The following C7orf57 variants were observed in gnomAD, a reference collection of about 807,000 sequenced individuals.
C7orf57 encodes the protein chromosome 7 open reading frame 57, also known as uncharacterized protein C7orf57.
In C7orf57, 33 loss-of-function variants were observed where a neutral mutation model predicts 39.0. That is an observed-to-expected ratio of 0.85 (90% CI 0.64 to 1.13). C7orf57 has a LOEUF of 1.13. Among genes scored for constraint, C7orf57 ranks in the 50% most tolerant of loss-of-function variants. C7orf57 has a pLI of 0.00. For synonymous variants in C7orf57, 124 were observed against 137.1 expected (o/e 0.90, Z 0.67); for missense variants, 346 against 362.3 (o/e 0.95, Z 0.37).
At chr7:48,051,347 ATTTTT>A (rs71006546) in intron 6 of C7orf57, among the ~76,000 whole-genome samples, 5 of 69,770 alleles carry the variant, frequency 7.2e-5, no homozygotes, top group African/African-American at 3.0e-4. Context: ...CAGCTGGCTA[ATTTTT>A]TTTTTTTTTT....
chr7:48,048,556 C>T (rs1046348077), intron 5 of C7orf57, among the ~76,000 whole-genome samples: 4 of 152,042 alleles, frequency 2.6e-5, no homozygotes, highest in African/African-American at 7.2e-5. Context: ...TGTTTTTTCC[C>T]GTTTTCCCAT....
intron 4 of C7orf57, among the ~76,000 whole-genome samples, chr7:48,044,011 G>A (rs915618748): frequency 2.0e-5 from 3 of 152,144 alleles, no homozygotes; most frequent in Admixed American, 6.5e-5. Context: ...ATGCATGAGT[G>A]TTATAGCTCT....
At chr7:48,052,635 A>G in intron 6 of C7orf57, 65 bp from the exon 7 acceptor site, 1 of 1,398,766 alleles carries the variant, frequency 7.1e-7, no homozygotes. Context: ...TGTTCACGGA[A>G]TACTGCTTCT....
chr7:48,055,679 AT>A (rs964455496), intron 8 of C7orf57, among the ~76,000 whole-genome samples: 16 of 152,114 alleles, frequency 1.1e-4, no homozygotes, highest in Middle Eastern at 6.8e-3. Context: ...TATGAGTTCA[AT>A]TTTTTTAGAT....
At chr7:48,051,557 C>T (rs932850790) in intron 6 of C7orf57, among the ~76,000 whole-genome samples, 2 of 151,072 alleles carry the variant, frequency 1.3e-5, no homozygotes, top group African/African-American at 2.4e-5. Context: ...AGAGTGCTCT[C>T]GAATTCCTGA....
At chr7:48,044,844 T>C (rs1790667756) in intron 4 of C7orf57, among the ~76,000 whole-genome samples, 1 of 152,244 alleles carries the variant, frequency 6.6e-6, no homozygotes, top group South Asian at 2.1e-4. Context: ...CAGAACCACC[T>C]GTCGTGGATT....
chr7:48,038,087 C>G (rs368733993), intron 2 of C7orf57, among the ~76,000 whole-genome samples: 46 of 152,160 alleles, frequency 3.0e-4, no homozygotes, highest in African/African-American at 1.1e-3. Context: ...TCTCTGTGAT[C>G]TTTTGTGCAA....
chr7:48,041,563 G>A (rs201304229), intron 3 of C7orf57, 44 bp downstream of exon 3: 9 of 1,448,742 alleles, frequency 6.2e-6, no homozygotes, highest in Admixed American at 4.8e-5. Flanking sequence ...CCTCGCGGGC[G>A]GTGAGGGGGG....
intron 6 of C7orf57, among the ~76,000 whole-genome samples, chr7:48,051,771 TTTCTTTC>T (rs1356840546): frequency 0.022 from 933 of 42,620 alleles, 94 homozygotes; most frequent in Non-Finnish European, 0.051. Context: ...TCTTTCTTTC[TTTCTTTC>T]TTTCTTTCTT....
chr7:48,057,878 A>G (rs995700878), intron 8 of C7orf57, among the ~76,000 whole-genome samples: 23 of 152,254 alleles, frequency 1.5e-4, no homozygotes, highest in Non-Finnish European at 3.2e-4. Context: ...TAAGGTGATC[A>G]TATGGTTTTT....
chr7:48,042,515 C>T lies in C7orf57; in HGVS notation c.242-966C>T, dbSNP rs918819329. ...TGCCCAGTGATTCTGAAAACAATAA[C>T]GACAATAAAAATAATAATGAGAGAG... On this transcript the variant is annotated intron_variant, in intron 3 of 8. Transcript: ENST00000348904. 2.0e-5 allele frequency among the ~76,000 whole-genome samples: 3 copies of T among 151,680 alleles called. No individual in the cohort carries two copies. The East Asian group carries it at 5.8e-4, about 29-fold the overall frequency.
chr7:48,059,361 AT>A (rs1006997510), intron 8 of C7orf57, among the ~76,000 whole-genome samples: 1 of 151,798 alleles, frequency 6.6e-6, no homozygotes, highest in African/African-American at 2.4e-5. Context: ...TTCTTATTTT[AT>A]TTTTTTGAGA....
intron 5 of C7orf57, among the ~76,000 whole-genome samples, chr7:48,046,961 A>G (rs2128793951): frequency 6.6e-6 from 1 of 152,308 alleles, no homozygotes; most frequent in Middle Eastern, 3.4e-3. Flanking sequence ...GAATATTTTC[A>G]TTTATTTAAG....
intron 8 of C7orf57, among the ~76,000 whole-genome samples, chr7:48,055,194 G>C (rs902271924): frequency 6.6e-6 from 1 of 152,142 alleles, no homozygotes; most frequent in Non-Finnish European, 1.5e-5. Context: ...TTTTATTCAT[G>C]TTACACAAGC....
At position 48,061,184 on chromosome 7, in the gene C7orf57, C is replaced by T. The variant is rs1008003601; in HGVS notation, c.*912C>T. ...TAGTTCTCTATATGAGATACTTAATCGAGCATATATATTTATATTCATTGA... is the reference window on the plus strand; with the variant it reads ...TAGTTCTCTATATGAGATACTTAATTGAGCATATATATTTATATTCATTGA... On this transcript the variant is annotated 3_prime_UTR_variant, in exon 9 of 9. Coordinates refer to ENST00000348904, the MANE Select transcript of C7orf57 (RefSeq NM_001100159.3). The T allele has an allele frequency of 1.3e-5, 2 of 152,072 alleles. No individual in the cohort carries two copies. The highest frequency in any genetic ancestry group is 2.4e-5 in the African/African-American group (1 of 41,414). 9.4% of individuals were successfully genotyped at this position (152,072 alleles called of 1,614,324 possible). A position where few individuals can be genotyped will look rare whatever the true frequency, so the allele number is the denominator to read the frequency against.
chr7:48,046,413 G>A (rs1279213041), intron 4 of C7orf57, 47 bp from the exon 5 acceptor site: 1 of 1,567,126 alleles, frequency 6.4e-7, no homozygotes, highest in Non-Finnish European at 8.7e-7. Context: ...GGGAGGGAGT[G>A]GAAATGGCTC....
At chr7:48,054,051 A>T (rs1791038641) in intron 7 of C7orf57, among the ~76,000 whole-genome samples, 1 of 152,184 alleles carries the variant, frequency 6.6e-6, no homozygotes, top group Admixed American at 6.5e-5. Context: ...TCTGCCACTT[A>T]TTGGCCAACT....
chr7:48,043,993 C>CT (rs1310593310), intron 4 of C7orf57, among the ~76,000 whole-genome samples: 1 of 152,038 alleles, frequency 6.6e-6, no homozygotes, highest in East Asian at 1.9e-4. Flanking sequence ...GGAATGGAAC[C>CT]TTGGGCCATG....
chr7:48,047,976 C>T (rs373474841), intron 5 of C7orf57, among the ~76,000 whole-genome samples: 33 of 152,258 alleles, frequency 2.2e-4, no homozygotes, highest in African/African-American at 2.4e-4. Context: ...GGATATTAAC[C>T]GTGGCTACAG....
Sources: gnomAD v4.1 joint callset for allele counts (sites outside exome capture counted in the v4.1 genomes callset) on GRCh38, gnomAD v4.1.1 for gene constraint, MANE v1.5 for transcripts, NCBI Gene and HGNC (gene_info 2026-07-23, HGNC 2026-07-21) for gene names.